The following HIBCH variants were observed in gnomAD, a reference collection of about 807,000 sequenced individuals.
The protein encoded by HIBCH is 3-hydroxyisobutyryl-CoA hydrolase, mitochondrial.
A neutral mutation model predicts 58.2 loss-of-function variants in HIBCH; 50 were observed. The observed-to-expected ratio is 0.86, with a 90% CI of 0.68 to 1.09. HIBCH has a LOEUF of 1.09. Among genes scored for constraint, HIBCH ranks in the 50% least tolerant of loss-of-function variants. The pLI is 0.00. For synonymous variants in HIBCH, 151 were observed against 146.9 expected, an observed-to-expected ratio of 1.03 and a Z score of -0.20; for missense variants, 450 against 449.7, an observed-to-expected ratio of 1.00 and a Z score of -0.01.
At position 190,304,149 on chromosome 2, in the gene HIBCH, A is replaced by C. The variant is rs1241082563; in HGVS notation, c.78+6605T>G. On this transcript the variant is annotated intron_variant, in intron 2 of 13. Transcript: ENST00000359678. This position sits in a 1 kb window ranked among gnomAD's most constrained non-coding sequence, Gnocchi z 4.1. ...TGGAACAGAATATTAATGAAAAAAA[A>C]CTGGTGAAATCCAAATAAAGTCTGG... Among the ~76,000 whole-genome samples, 1 of 152,192 alleles carries C rather than the reference A, an allele frequency of 6.6e-6. No homozygotes were observed. The highest frequency in any genetic ancestry group is 2.4e-5 in the African/African-American group (1 of 41,452).
intron 6 of HIBCH, chr2:190,280,055 G>C (rs1687662690): frequency 6.8e-6 from 1 of 147,728 alleles, no homozygotes; most frequent in Non-Finnish European, 1.5e-5. Flanking sequence ...AAAATGGCCT[G>C]GCTGAGAAAA....
At position 190,264,288 on chromosome 2, in the gene HIBCH, T is replaced by C. The variant is rs550110006; in HGVS notation, c.439-3054A>G. Among the ~76,000 whole-genome samples, 3 of 151,936 alleles carry C rather than the reference T, an allele frequency of 2.0e-5. No homozygotes were observed. The South Asian group carries it at 6.2e-4, about 32-fold the overall frequency. On this transcript the variant is annotated intron_variant, in intron 6 of 13. Transcript: ENST00000359678. ...TTTCTTTCTTTTTTCTTTCTTTTTT[T>C]TTTTTTAAACTCTCTTGATGTATAA...
chr2:190,262,618 C>A (rs569004393), intron 6 of HIBCH, among the ~76,000 whole-genome samples: 1 of 152,308 alleles, frequency 6.6e-6, no homozygotes, highest in East Asian at 1.9e-4. Context: ...CATTCCTTTA[C>A]AAAGGAACAA....
At chr2:190,198,990 G>T (rs1425048419), downstream of HIBCH, among the ~76,000 whole-genome samples, 2 of 152,154 alleles carry the variant, frequency 1.3e-5, no homozygotes, top group Non-Finnish European at 2.9e-5. Flanking sequence ...ATTTCACAGG[G>T]AACAGTCAAT....
chr2:190,219,322 T>C (rs1359837224), intron 11 of HIBCH, among the ~76,000 whole-genome samples: 1 of 152,054 alleles, frequency 6.6e-6, no homozygotes, highest in Non-Finnish European at 1.5e-5. Flanking sequence ...GGAAATAACG[T>C]ATACCATGGT....
chr2:190,191,442 G>T (rs1173402440), intron 1 of HIBCH, among the ~76,000 whole-genome samples: 2 of 152,170 alleles, frequency 1.3e-5, no homozygotes, highest in Non-Finnish European at 2.9e-5. Context: ...ACCGTCCCCA[G>T]CCAGCATACA....
rs1449403044 is a variant in HIBCH, at chr2:190,215,348, G to A, written c.892-2273C>T. The A allele has an allele frequency of 4.6e-5, 7 of 152,084 alleles. No individual in the cohort carries two copies. Among genetic ancestry groups the A allele is most frequent in the Non-Finnish European group, 1.0e-4 (7 of 68,016 alleles). The allele number at this position is 152,084 out of a possible 1,614,324, so 9.4% of individuals were successfully genotyped here. On this transcript the variant is annotated intron_variant, in intron 11 of 13. Coordinates refer to ENST00000359678, the MANE Select transcript of HIBCH (RefSeq NM_014362.4). This position sits in a 1 kb window ranked among gnomAD's most constrained non-coding sequence, Gnocchi z 4.4. ...TGGATGGGATAACAATAAAGAGATC[G>A]GGCCCAAATGCAGGACCTAAGGGAA...
chr2:190,190,001 T>C (rs910342353), intron 1 of HIBCH: 1 of 152,214 alleles, frequency 6.6e-6, no homozygotes, highest in Non-Finnish European at 1.5e-5. Flanking sequence ...AGGCGGTCTT[T>C]TTCAGATAAA....
rs541684996 is a variant in HIBCH, at chr2:190,254,518, T to C, written c.518-2211A>G. On this transcript the variant is annotated intron_variant, in intron 7 of 13. Transcript: ENST00000359678. The surrounding 1 kb of genome is among the most constrained non-coding windows in gnomAD (Gnocchi z 5.0). ...GTTTAATACACTGCGAAATCACTCA[T>C]GCCTTCTCCCGTGAACACTGAACTC... Among the ~76,000 whole-genome samples the C allele has an allele frequency of 6.6e-6, 1 of 152,354 alleles. No individual in the cohort carries two copies. The highest frequency in any genetic ancestry group is 2.4e-5 in the African/African-American group (1 of 41,592).
chr2:190,283,008 A>T (rs1447222997), intron 6 of HIBCH, among the ~76,000 whole-genome samples: 1 of 152,188 alleles, frequency 6.6e-6, no homozygotes, highest in Non-Finnish European at 1.5e-5. Context: ...ATTGTAGTGT[A>T]AGTTGAGCAT....
intron 11 of HIBCH, among the ~76,000 whole-genome samples, chr2:190,227,604 G>A (rs543901495): frequency 3.5e-3 from 534 of 151,962 alleles, no homozygotes; most frequent in African/African-American, 0.012. Context: ...AACTACCATC[G>A]GAGTGAACAG....
At chr2:190,233,896 G>A (rs751752438) in intron 11 of HIBCH, among the ~76,000 whole-genome samples, 3 of 152,192 alleles carry the variant, frequency 2.0e-5, no homozygotes, top group Non-Finnish European at 2.9e-5. Flanking sequence ...GGTGGGTCAC[G>A]CCTGTAATCC....
Position 190,252,311 on chromosome 2 carries a change from T to A in HIBCH, c.518-4A>T. 6.2e-7 allele frequency: 1 copy of A among 1,611,072 alleles called. No homozygotes were observed. Among genetic ancestry groups the A allele is most frequent in the Non-Finnish European group, 8.5e-7 (1 of 1,177,414 alleles). ...CCACCCACATCAGGGAACAGTCCTG[T>A]AATTAAATGTAACAAAAAGAGATAA... On this transcript the variant is annotated splice_polypyrimidine_tract_variant and splice_region_variant and intron_variant, in intron 7 of 13. Coordinates refer to ENST00000359678, the MANE Select transcript of HIBCH (RefSeq NM_014362.4).
Position 190,207,900 on chromosome 2 carries a change from TA to T in HIBCH, c.1045+979del, listed in dbSNP as rs200323017. Among the ~76,000 whole-genome samples, 281 of 135,556 alleles carry T rather than the reference TA, an allele frequency of 2.1e-3. 10 individuals carry two copies. In the East Asian group the frequency reaches 0.062, roughly 30 times the overall value. The allele number at this position is 135,556 out of a possible 152,430, so 88.9% of individuals were successfully genotyped here. A position where few individuals can be genotyped will look rare whatever the true frequency, so the allele number is the denominator to read the frequency against. ...TGTCTCCAAAAAAAATAAAATAAAA[TA>T]AAAAAAACAAAGGATATCCAGAGTC... On this transcript the variant is annotated intron_variant, in intron 13 of 13. Transcript: ENST00000359678. This position sits in a 1 kb window ranked among gnomAD's most constrained non-coding sequence, Gnocchi z 4.5.
Position 190,205,019 on chromosome 2 carries a change from C to T in HIBCH, c.*98G>A. 1.4e-6 allele frequency: 1 copy of T among 720,228 alleles called. No individual in the cohort carries two copies. The highest frequency in any genetic ancestry group is 2.6e-6 in the Non-Finnish European group (1 of 390,364). 44.6% of individuals were successfully genotyped at this position (720,228 alleles called of 1,614,324 possible). A position where few individuals can be genotyped will look rare whatever the true frequency, so the allele number is the denominator to read the frequency against. On this transcript the variant is annotated 3_prime_UTR_variant, in exon 14 of 14. Coordinates refer to ENST00000359678, the MANE Select transcript of HIBCH (RefSeq NM_014362.4). ...TTAAAAATGCGGAAACCATTCTTAG[C>T]TTACAGGGTATATAAAAACAGGCAG...
chr2:190,261,387 T>C (rs1376545331), intron 6 of HIBCH, among the ~76,000 whole-genome samples, 153 bp from the exon 7 acceptor site: 1 of 152,200 alleles, frequency 6.6e-6, no homozygotes, highest in Non-Finnish European at 1.5e-5. Context: ...CCCACCTCTT[T>C]CAATTAACTT....
chr2:190,204,885 G>A lies in HIBCH; in HGVS notation c.*232C>T, dbSNP rs1690351249. The A allele has an allele frequency of 2.1e-6, 1 of 477,628 alleles. No homozygotes were observed. Among genetic ancestry groups the A allele is most frequent in the South Asian group, 2.4e-5 (1 of 41,324 alleles). The allele number at this position is 477,628 out of a possible 1,614,324, so 29.6% of individuals were successfully genotyped here. On this transcript the variant is annotated 3_prime_UTR_variant, in exon 14 of 14. Coordinates refer to ENST00000359678, the MANE Select transcript of HIBCH (RefSeq NM_014362.4). ...AACTACTCATTTCAAAGCAGCCACA[G>A]ATAATATATAAACAGATGAGTATAG...
chr2:190,317,141 G>C (rs973457910), intron 1 of HIBCH, among the ~76,000 whole-genome samples: 1 of 151,934 alleles, frequency 6.6e-6, no homozygotes, highest in African/African-American at 2.4e-5. Context: ...GGATTGTCTT[G>C]AACTCCCATG....
At chr2:190,230,318 G>A (rs973465683) in intron 11 of HIBCH, among the ~76,000 whole-genome samples, 4 of 152,144 alleles carry the variant, frequency 2.6e-5, no homozygotes, top group African/African-American at 9.7e-5. Flanking sequence ...TAGTAAAAAA[G>A]GAATCATTAC....
Sources: gnomAD v4.1 joint callset for allele counts (sites outside exome capture counted in the v4.1 genomes callset) on GRCh38, gnomAD v4.1.1 for gene constraint, Gnocchi (gnomAD v3.1) non-coding constraint, MANE v1.5 for transcripts, NCBI Gene and HGNC (gene_info 2026-07-23, HGNC 2026-07-21) for gene names.